Variants in TULP4 observed in about 807,000 individuals in gnomAD.
TULP4 encodes the protein tubby-related protein 4.
A neutral mutation model predicts 129.0 loss-of-function variants in TULP4; 16 were observed. The observed-to-expected ratio is 0.12, with a 90% CI of 0.08 to 0.19. The LOEUF is 0.19. TULP4 is among the 10% of genes least tolerant of loss of function. The pLI is 1.00. For missense variants in TULP4, 1,842 were observed against 2,059.1 expected (o/e 0.89, Z 2.04); for synonymous variants, 998 against 854.0 (o/e 1.17, Z -2.94).
chr6:158,351,467 T>G (rs1184783655), intron 1 of TULP4, among the ~76,000 whole-genome samples: 1 of 152,200 alleles, frequency 6.6e-6, no homozygotes, highest in Non-Finnish European at 1.5e-5. Flanking sequence ...AGGCTTGTTG[T>G]TAAATTAAAA....
intron 13 of TULP4, among the ~76,000 whole-genome samples, chr6:158,504,513 A>ATTTTT (rs769598967): frequency 1.7e-4 from 24 of 138,930 alleles, no homozygotes; most frequent in African/African-American, 5.6e-4. Flanking sequence ...TGCCCGGCTA[A>ATTTTT]TTTTTTTTTT....
At chr6:158,324,611 A>G (rs1412109241) in intron 1 of TULP4, among the ~76,000 whole-genome samples, 3 of 152,234 alleles carry the variant, frequency 2.0e-5, no homozygotes, top group Admixed American at 2.0e-4. Flanking sequence ...TATTGTTTGC[A>G]TGGATATAAT....
intron 5 of TULP4, among the ~76,000 whole-genome samples, chr6:158,457,030 C>T (rs1005888131): frequency 8.6e-5 from 13 of 151,990 alleles, no homozygotes; most frequent in African/African-American, 3.1e-4. Flanking sequence ...CACTATCTTA[C>T]GGGCTATGTT....
intron 1 of TULP4, among the ~76,000 whole-genome samples, chr6:158,300,039 T>C (rs1440687116): frequency 6.6e-6 from 1 of 152,108 alleles, no homozygotes; most frequent in African/African-American, 2.4e-5. Flanking sequence ...TTAGGGAGGA[T>C]TGAACCACAC....
At chr6:158,321,675 C>T (rs1779636830) in intron 1 of TULP4, among the ~76,000 whole-genome samples, 2 of 152,156 alleles carry the variant, frequency 1.3e-5, no homozygotes, top group African/African-American at 4.8e-5. Context: ...ATTAGCAAGA[C>T]CTCCCACTGT....
chr6:158,358,643 A>G (rs1780700810), intron 1 of TULP4, among the ~76,000 whole-genome samples: 2 of 152,224 alleles, frequency 1.3e-5, no homozygotes, highest in Admixed American at 6.5e-5. Flanking sequence ...AAAAAGACAT[A>G]TGAGAAACGG....
intron 1 of TULP4, among the ~76,000 whole-genome samples, chr6:158,251,895 G>A (rs1023499982): frequency 6.6e-6 from 1 of 152,220 alleles, no homozygotes; most frequent in East Asian, 1.9e-4. Context: ...AAAGAGGAAA[G>A]GTTTTAGATT....
intron 1 of TULP4, among the ~76,000 whole-genome samples, chr6:158,347,547 A>T (rs1037952330): frequency 6.6e-6 from 1 of 152,156 alleles, no homozygotes; most frequent in Admixed American, 6.5e-5. Context: ...TTAGCCCTCT[A>T]CTGGCCCCTT....
intron 6 of TULP4, among the ~76,000 whole-genome samples, chr6:158,472,461 C>T (rs533549571): frequency 6.6e-5 from 10 of 152,074 alleles, no homozygotes; most frequent in South Asian, 2.1e-4. Flanking sequence ...TTGAAAAAAT[C>T]GCCTCAATAA....
intron 1 of TULP4, among the ~76,000 whole-genome samples, chr6:158,260,070 G>A (rs1278437397): frequency 6.6e-6 from 1 of 152,202 alleles, no homozygotes; most frequent in Non-Finnish European, 1.5e-5. Context: ...CCAGAGGTCA[G>A]GGGTGGGAAT....
upstream of TULP4, among the ~76,000 whole-genome samples, chr6:158,308,490 A>AT (rs1779259291): frequency 6.6e-6 from 1 of 151,932 alleles, no homozygotes; most frequent in Non-Finnish European, 1.5e-5. Flanking sequence ...CATTGTCATC[A>AT]TGGCCCGTTC....
rs922098692 is a variant in TULP4 at position 158,313,544 on chromosome 6, G to A, written c.-473G>A. ...CGAACTTTTGAAGAGAAAAATTCGA[G>A]CTAGAGGGATTCTTAAAGCCTTAAG... On this transcript the variant is annotated 5_prime_UTR_variant, in exon 1 of 14. Transcript: ENST00000367097. The A allele has an allele frequency of 9.9e-6, 4 of 403,668 alleles. No individual in the cohort carries two copies. The highest frequency in any genetic ancestry group is 8.2e-5 in the African/African-American group (4 of 48,626). 25.0% of individuals were successfully genotyped at this position (403,668 alleles called of 1,614,324 possible).
chr6:158,378,168 A>G (rs527977924), intron 1 of TULP4, among the ~76,000 whole-genome samples: 3 of 152,296 alleles, frequency 2.0e-5, no homozygotes, highest in Non-Finnish European at 2.9e-5. Flanking sequence ...TGGAACTGGC[A>G]CATCCTCTCT....
intron 1 of TULP4, among the ~76,000 whole-genome samples, chr6:158,341,327 T>C (rs984940224): frequency 6.6e-6 from 1 of 152,208 alleles, no homozygotes; most frequent in African/African-American, 2.4e-5. Context: ...CTTTTCTTTA[T>C]CCATTTAACT....
At chr6:158,335,581 G>C (rs1428170567) in intron 1 of TULP4, among the ~76,000 whole-genome samples, 2 of 152,144 alleles carry the variant, frequency 1.3e-5, no homozygotes, top group East Asian at 3.9e-4. Context: ...CCATCTTGTA[G>C]ATACTAACTT....
intron 5 of TULP4, among the ~76,000 whole-genome samples, chr6:158,455,535 G>A (rs1405797466): frequency 4.6e-5 from 7 of 151,892 alleles, no homozygotes; most frequent in African/African-American, 9.7e-5. Context: ...TCAGGAGTTC[G>A]AGACCAGCCT....
intron 1 of TULP4, among the ~76,000 whole-genome samples, chr6:158,377,704 A>G (rs1457978455): frequency 6.6e-6 from 1 of 152,206 alleles, no homozygotes; most frequent in Non-Finnish European, 1.5e-5. Flanking sequence ...GGGATGGAAC[A>G]AGACATTTAT....
At chr6:158,361,348 C>A (rs531209090) in intron 1 of TULP4, among the ~76,000 whole-genome samples, 22 of 152,298 alleles carry the variant, frequency 1.4e-4, no homozygotes, top group African/African-American at 4.1e-4. Context: ...GTATTCAATT[C>A]TAGTTTTTAG....
intron 1 of TULP4, among the ~76,000 whole-genome samples, chr6:158,341,327 T>G (rs984940224): frequency 3.3e-5 from 5 of 152,208 alleles, no homozygotes; most frequent in African/African-American, 1.2e-4. Flanking sequence ...CTTTTCTTTA[T>G]CCATTTAACT....
Sources: gnomAD v4.1 joint callset for allele counts (sites outside exome capture counted in the v4.1 genomes callset) on GRCh38, gnomAD v4.1.1 for gene constraint, MANE v1.5 for transcripts, NCBI Gene and HGNC (gene_info 2026-07-23, HGNC 2026-07-21) for gene names.